Variants in GATB observed in about 807,000 individuals in gnomAD.
GATB encodes glutamyl-tRNA amidotransferase subunit B, also known as glutamyl-tRNA(Gln) amidotransferase subunit B, mitochondrial.
A neutral mutation model predicts 62.3 loss-of-function variants in GATB; 39 were observed. That is an observed-to-expected ratio of 0.63 (90% CI 0.48 to 0.82). GATB has a LOEUF of 0.82. Among genes scored for constraint, GATB ranks in the 40% least tolerant of loss-of-function variants. The pLI, the probability that GATB is intolerant of heterozygous loss-of-function variation, is 0.00. For synonymous variants in GATB, 276 were observed against 258.9 expected (o/e 1.07, Z -0.63); for missense variants, 670 against 684.0 (o/e 0.98, Z 0.23).
At chr4:151,672,738 C>A in intron 12 of GATB, 24 bp downstream of exon 12, 1 of 1,611,586 alleles carries the variant, frequency 6.2e-7, no homozygotes, top group Non-Finnish European at 8.5e-7. Flanking sequence ...GGCTCTGGCC[C>A]TCTCCCCTGC....
In GATB at chr4:151,716,077, G is replaced by A. The variant is rs150296974; in HGVS notation, c.695C>T (p.Ala232Val). 2.9e-3 allele frequency: 4,654 copies of A among 1,613,676 alleles called. 14 individuals carry two copies. The highest frequency in any genetic ancestry group is 3.5e-3 in the Non-Finnish European group (4,089 of 1,179,858). ...LEPDMSCGEE[A>V]ATAVRELQLI... ...CTGCAGCTCCCTGACAGCTGTTGCCGCCTCTTCTCCACAGGACATGTCGGG... is the reference window on the plus strand; with the variant it reads ...CTGCAGCTCCCTGACAGCTGTTGCCACCTCTTCTCCACAGGACATGTCGGG... Residue 232 changes from alanine (A) to valine (V), a missense_variant, in exon 5 of 13, where the codon GCG (alanine) becomes GTG (valine). Transcript: ENST00000263985.
chr4:151,690,707 G>GT (rs921716547), intron 9 of GATB, among the ~76,000 whole-genome samples: 2 of 152,174 alleles, frequency 1.3e-5, no homozygotes, highest in African/African-American at 2.4e-5. Flanking sequence ...CCCTTGGGTG[G>GT]TTTTTTTATT....
rs112855068 is a variant in GATB at position 151,736,198 on chromosome 4, T to A, written c.328-16660A>T. On this transcript the variant is annotated intron_variant, in intron 2 of 12. Transcript: ENST00000263985. ...ATTATTAAGGCCCTTGTGTATGTAA[T>A]CAAGTATGGTGCAACCAAAATCTGT... Among the ~76,000 whole-genome samples, 1,401 of 152,284 alleles carry A rather than the reference T, an allele frequency of 9.2e-3. 21 individuals are homozygous for A. Among genetic ancestry groups the A allele is most frequent in the African/African-American group, 0.032 (1,312 of 41,546 alleles).
intron 2 of GATB, among the ~76,000 whole-genome samples, chr4:151,737,089 T>C (rs1442341156): frequency 6.6e-6 from 1 of 152,216 alleles, no homozygotes; most frequent in Admixed American, 6.5e-5. Context: ...ACTTTCGATC[T>C]GGGTACCAGG....
Position 151,716,059 on chromosome 4 carries a change from T to A in GATB, c.713A>T (p.Glu238Val), listed in dbSNP as rs999947490. ...CAGGGCTTGAAGGATCAGCTGCAGC[T>A]CCCTGACAGCTGTTGCCGCCTCTTC... Reference protein sequence around the residue: ...CGEEAATAVRELQLILQALGT... With the variant: ...CGEEAATAVRVLQLILQALGT... Residue 238 changes from glutamate (E) to valine (V), a missense_variant, in exon 5 of 13, where the codon GAG becomes GTG. By Grantham distance (121) the Glu-to-Val change is moderately radical. Transcript: ENST00000263985. The A allele has an allele frequency of 2.5e-6, 4 of 1,613,904 alleles. No homozygotes were observed. The highest frequency in any genetic ancestry group is 3.4e-6 in the Non-Finnish European group (4 of 1,179,898).
intron 1 of GATB, among the ~76,000 whole-genome samples, chr4:151,759,465 A>G (rs542467198): frequency 6.6e-6 from 1 of 152,206 alleles, no homozygotes; most frequent in Non-Finnish European, 1.5e-5. Context: ...AACCAGAGAG[A>G]CACAGATACA....
chr4:151,704,262 C>G (rs1408855683), intron 7 of GATB, among the ~76,000 whole-genome samples: 2 of 152,126 alleles, frequency 1.3e-5, no homozygotes, highest in Admixed American at 6.5e-5. Flanking sequence ...CAGGTCTTCA[C>G]TCTGTTCCGC....
At chr4:151,732,619 C>T (rs558841271) in intron 2 of GATB, among the ~76,000 whole-genome samples, 7 of 151,914 alleles carry the variant, frequency 4.6e-5, no homozygotes, top group Admixed American at 1.3e-4. Context: ...AAACCAGAGA[C>T]CTTTGCTCAC....
intron 2 of GATB, among the ~76,000 whole-genome samples, chr4:151,743,494 T>C (rs761971976): frequency 7.4e-4 from 113 of 152,200 alleles, no homozygotes; most frequent in Admixed American, 4.6e-4. Flanking sequence ...GTTAATGAGA[T>C]TAATGTTTTT....
chr4:151,737,120 A>G (rs1578933372), intron 2 of GATB, among the ~76,000 whole-genome samples: 1 of 152,250 alleles, frequency 6.6e-6, no homozygotes, highest in Non-Finnish European at 1.5e-5. Flanking sequence ...AACAGTTTGG[A>G]GGGCTCAGAA....
chr4:151,672,143 C>T (rs1346827467), intron 12 of GATB, among the ~76,000 whole-genome samples: 1 of 152,000 alleles, frequency 6.6e-6, no homozygotes, highest in East Asian at 1.9e-4. Context: ...TTTTTTTCCC[C>T]ACTGAAAAAA....
At chr4:151,692,668 C>A (rs1369414823) in intron 9 of GATB, among the ~76,000 whole-genome samples, 3 of 152,156 alleles carry the variant, frequency 2.0e-5, no homozygotes, top group Non-Finnish European at 2.9e-5. Flanking sequence ...CTGCCCCTCT[C>A]CTGCCCCCTG....
chr4:151,674,356 A>G (rs1737951004), intron 11 of GATB: 1 of 152,260 alleles, frequency 6.6e-6, no homozygotes, highest in South Asian at 2.1e-4. Flanking sequence ...ATGGCGTTCC[A>G]TGGAGCTGCC....
intron 2 of GATB, chr4:151,720,817 T>G (rs1358027499): frequency 1.3e-5 from 2 of 152,234 alleles, no homozygotes; most frequent in Non-Finnish European, 2.9e-5. Context: ...ACAGAACTTC[T>G]GTGGTTCAGG....
At chr4:151,725,599 G>T (rs1431576384) in intron 2 of GATB, among the ~76,000 whole-genome samples, 1 of 152,178 alleles carries the variant, frequency 6.6e-6, no homozygotes, top group Non-Finnish European at 1.5e-5. Flanking sequence ...AACTCATCTG[G>T]ATTGAACTCA....
chr4:151,714,443 A>G (rs1428220913), intron 5 of GATB, among the ~76,000 whole-genome samples: 1 of 152,232 alleles, frequency 6.6e-6, no homozygotes, highest in Non-Finnish European at 1.5e-5. Flanking sequence ...CTCCAGGCAG[A>G]CCTCAGCTCC....
At chr4:151,752,501 A>G (rs939407786) in intron 2 of GATB, among the ~76,000 whole-genome samples, 4 of 152,046 alleles carry the variant, frequency 2.6e-5, no homozygotes, top group African/African-American at 7.2e-5. Context: ...TGCACTGCAC[A>G]TTGGTTTTGA....
intron 8 of GATB, 78 bp from the exon 9 acceptor site, chr4:151,701,596 G>T: frequency 1.9e-6 from 2 of 1,025,764 alleles, no homozygotes; most frequent in Non-Finnish European, 2.7e-6. Flanking sequence ...CCAGTAATAT[G>T]AATGTTTCTG....
At chr4:151,673,246 T>G in intron 11 of GATB, 1 of 131,830 alleles carries the variant, frequency 7.6e-6, no homozygotes, top group Non-Finnish European at 1.5e-5. Context: ...CCCGGCTGAC[T>G]CCACATGGCG....
Sources: gnomAD v4.1 joint callset for allele counts (sites outside exome capture counted in the v4.1 genomes callset) on GRCh38, gnomAD v4.1.1 for gene constraint, MANE v1.5 for transcripts, NCBI Gene and HGNC (gene_info 2026-07-23, HGNC 2026-07-21) for gene names.